GCC2: variants seen among roughly 807,000 people sequenced by gnomAD.
GCC2 encodes the protein GRIP and coiled-coil domain-containing protein 2.
A neutral mutation model predicts 210.6 loss-of-function variants in GCC2; 120 were observed. The ratio of observed to expected loss-of-function variants is 0.57; its 90% CI spans 0.49 to 0.66. The LOEUF is 0.66. Among genes scored for constraint, GCC2 ranks in the 30% least tolerant of loss-of-function variants. The probability of loss-of-function intolerance (pLI) is 0.00; values close to 1 mark genes in which losing one functional copy is unlikely to be tolerated. For synonymous variants in GCC2, 703 were observed against 652.7 expected (o/e 1.08, Z -1.17); for missense variants, 1,868 against 1,871.9 (o/e 1.00, Z 0.04).
At chr2:108,457,908 C>T (rs4450567) in intron 4 of GCC2, among the ~76,000 whole-genome samples, 56,920 of 151,964 alleles carry the variant, frequency 0.37, 12,357 homozygotes, top group East Asian at 0.89. Flanking sequence ...GTTTGGATGT[C>T]GTTTATTTCT....
intron 9 of GCC2, among the ~76,000 whole-genome samples, chr2:108,479,566 A>G (rs543346122): frequency 5.9e-5 from 9 of 151,988 alleles, no homozygotes; most frequent in African/African-American, 2.2e-4. Context: ...GCTTGAACCC[A>G]GGAGACAGAG....
rs750341029 is a variant in GCC2 at position 108,471,608 on chromosome 2, A to G, written c.2279A>G (p.Tyr760Cys). The G allele has an allele frequency of 7.4e-6, 12 of 1,613,524 alleles. No homozygotes were observed. In the African/African-American group the frequency reaches 9.3e-5, roughly 13 times the overall value. Reference sequence around the variant, plus strand: ...AAGTTATTTGTTAAAACTCAGTTGTATGGTTTTCTTAAAGAAATGGGATCA... The same window carrying G: ...AAGTTATTTGTTAAAACTCAGTTGTGTGGTTTTCTTAAAGAAATGGGATCA... ...VQKLFVKTQLYGFLKEMGSEV... is the reference protein window; with the variant it reads ...VQKLFVKTQLCGFLKEMGSEV... The change falls in exon 6 of 23, where the codon TAT (tyrosine) becomes TGT (cysteine). Residue 760 changes from tyrosine to cysteine, a missense_variant. Tyr to Cys is a radical substitution (Grantham distance 194). Around this residue, in one of 3 missense-constraint regions of GCC2, gnomAD observed 1,847 missense variants for 1,765.2 expected, o/e 1.05. Coordinates refer to ENST00000309863, the MANE Select transcript of GCC2 (RefSeq NM_181453.4).
rs575289171 is a variant in GCC2 at position 108,449,599 on chromosome 2, T to G, written c.7-34T>G. 1.2e-5 allele frequency: 19 copies of G among 1,601,778 alleles called. No homozygotes were observed. In the African/African-American group the frequency reaches 2.1e-4, roughly 18 times the overall value. On this transcript the variant is annotated intron_variant, in intron 1 of 22. Coordinates refer to ENST00000309863, the MANE Select transcript of GCC2 (RefSeq NM_181453.4). ...TTCCGTGTGGAATTAGGAAAAGAGT[T>G]CTTCTGACACCTGGGTTTGATTTTG...
At chr2:108,478,123 A>C (rs1264240369) in intron 9 of GCC2, among the ~76,000 whole-genome samples, 1 of 152,216 alleles carries the variant, frequency 6.6e-6, no homozygotes, top group East Asian at 1.9e-4. Flanking sequence ...GTCTCTTAAA[A>C]TGTAAAGAAG....
At chr2:108,461,676 G>C (rs990394163) in intron 4 of GCC2, among the ~76,000 whole-genome samples, 6 of 150,594 alleles carry the variant, frequency 4.0e-5, no homozygotes, top group African/African-American at 1.5e-4. Context: ...CTAATTTTTT[G>C]TATTTTTAGT....
intron 18 of GCC2, among the ~76,000 whole-genome samples, chr2:108,492,307 C>T (rs1224630497): frequency 6.6e-6 from 1 of 152,020 alleles, no homozygotes; most frequent in Non-Finnish European, 1.5e-5. Context: ...GAAAGAAGTT[C>T]CTAGTCTGGA....
chr2:108,486,843 T>A (rs1202606526), intron 16 of GCC2, among the ~76,000 whole-genome samples, 195 bp downstream of exon 16: 2 of 152,266 alleles, frequency 1.3e-5, no homozygotes, highest in Non-Finnish European at 2.9e-5. Context: ...TCACTTTTTT[T>A]GCCAAAAGGA....
chr2:108,480,271 A>G (rs1282487175), intron 9 of GCC2, among the ~76,000 whole-genome samples: 1 of 152,234 alleles, frequency 6.6e-6, no homozygotes, highest in African/African-American at 2.4e-5. Flanking sequence ...AGGTGCTGGT[A>G]AGGTTGCAGA....
intron 7 of GCC2, chr2:108,474,712 CTT>C (rs1003618177): frequency 6.6e-6 from 1 of 152,138 alleles, no homozygotes; most frequent in African/African-American, 2.4e-5. Context: ...CCCCTACCCT[CTT>C]TAACTGCTTT....
chr2:108,498,298 C>T (rs1431330721), intron 21 of GCC2, among the ~76,000 whole-genome samples: 3 of 140,476 alleles, frequency 2.1e-5, no homozygotes, highest in Non-Finnish European at 3.0e-5. Context: ...CAGGTTCAAG[C>T]GATTCCCCTG....
intron 9 of GCC2, among the ~76,000 whole-genome samples, chr2:108,479,622 CAG>C (rs1209913293): frequency 2.0e-5 from 3 of 151,410 alleles, no homozygotes; most frequent in Admixed American, 1.3e-4. Flanking sequence ...GCCTGGGCGA[CAG>C]AGCAAGACCC....
rs930649631 is a variant in GCC2, at chr2:108,470,713, C to G, written c.1384C>G (p.Leu462Val). ...KLTLMFEIQG[L>V]KEQCENLQQE... ...AACATTAATGTTTGAAATACAGGGT[C>G]TTAAGGAACAGTGTGAAAACCTACA... The change falls in exon 6 of 23, where the codon CTT (leucine) becomes GTT (valine). Residue 462 changes from leucine to valine, a missense_variant. By Grantham distance (32) the Leu-to-Val change is conservative. Around this residue, in one of 3 missense-constraint regions of GCC2, gnomAD observed 1,847 missense variants for 1,765.2 expected, o/e 1.05. Coordinates refer to ENST00000309863, the MANE Select transcript of GCC2 (RefSeq NM_181453.4). The G allele has an allele frequency of 4.3e-6, 7 of 1,612,260 alleles. No individual in the cohort carries two copies. The South Asian group carries it at 6.6e-5, about 15-fold the overall frequency.
intron 2 of GCC2, 90 bp from the exon 3 acceptor site, chr2:108,450,938 G>GT (rs1175447224): frequency 3.8e-6 from 3 of 798,484 alleles, no homozygotes; most frequent in Non-Finnish European, 6.3e-6. Context: ...TCTGTAGAAT[G>GT]TTTTTGTTTT....
rs1306999754 is a variant in GCC2 at position 108,470,107 on chromosome 2, G to A, written c.778G>A (p.Glu260Lys). The A allele has an allele frequency of 6.2e-7, 1 of 1,613,750 alleles. No individual in the cohort carries two copies. The highest frequency in any genetic ancestry group is 1.1e-5 in the South Asian group (1 of 91,064). The change falls in exon 6 of 23, where the codon GAA becomes AAA. Residue 260 changes from glutamate to lysine, a missense_variant. Glu to Lys is a moderately conservative substitution (Grantham distance 56). Transcript: ENST00000309863. ...EEVKELMCQI[E>K]ASAKEHEAEI... is the part of the protein sequence containing the mutation. ...GGTGAAAGAGTTGATGTGCCAGATTGAAGCATCAGCTAAGGAACATGAAGC... is the reference window on the plus strand; with the variant it reads ...GGTGAAAGAGTTGATGTGCCAGATTAAAGCATCAGCTAAGGAACATGAAGC...
rs766874131 is a variant in GCC2, at chr2:108,481,688, T to C, written c.3061-9T>C. On this transcript the variant is annotated splice_polypyrimidine_tract_variant and intron_variant, in intron 9 of 22. Transcript: ENST00000309863. The stretch of plus-strand genomic sequence containing the variant: ...TATATACCAAAGTTAAATCCTTCTT[T>C]TATTGAAGAATCTTTTATTAGAATA... 1 of 1,575,860 alleles carries C rather than the reference T, an allele frequency of 6.3e-7. No homozygotes were observed. The highest frequency in any genetic ancestry group is 8.6e-7 in the Non-Finnish European group (1 of 1,164,880).
At position 108,492,553 on chromosome 2, in the gene GCC2, CTAAG is replaced by C. The variant is rs1682455087; in HGVS notation, c.4230-18_4230-15del. On this transcript the variant is annotated splice_polypyrimidine_tract_variant and intron_variant, in intron 18 of 22. Coordinates refer to ENST00000309863, the MANE Select transcript of GCC2 (RefSeq NM_181453.4). ...TATAAAGTTGAAAGATCTTCTGTAACTAAGTTTCTCATCTTTCAGATTGTGTTCA... is the reference window on the plus strand; with the variant it reads ...TATAAAGTTGAAAGATCTTCTGTAACTTTCTCATCTTTCAGATTGTGTTCA... The C allele has an allele frequency of 2.0e-6, 3 of 1,516,080 alleles. No individual in the cohort carries two copies. The highest frequency in any genetic ancestry group is 2.7e-6 in the Non-Finnish European group (3 of 1,091,386). 93.9% of individuals were successfully genotyped at this position (1,516,080 alleles called of 1,614,324 possible). A position where few individuals can be genotyped will look rare whatever the true frequency, so the allele number is the denominator to read the frequency against.
In GCC2 at chr2:108,483,174, A is replaced by C. The variant is rs771166748; in HGVS notation, c.3450+8A>C. 7 of 1,247,676 alleles carry C rather than the reference A, an allele frequency of 5.6e-6. No individual in the cohort carries two copies. In the East Asian group the frequency reaches 1.6e-4, roughly 29 times the overall value. The allele number at this position is 1,247,676 out of a possible 1,614,324, so 77.3% of individuals were successfully genotyped here. ...TTAGAGCTGGTTAAAAAGGTAAAATAAAACACTAGGATCAAAATTGATGTA... is the reference window on the plus strand; with the variant it reads ...TTAGAGCTGGTTAAAAAGGTAAAATCAAACACTAGGATCAAAATTGATGTA... On this transcript the variant is annotated splice_region_variant and intron_variant, in intron 12 of 22. Transcript: ENST00000309863.
chr2:108,486,429 C>T (rs773611153), intron 15 of GCC2, 82 bp from the exon 16 acceptor site: 1 of 1,365,358 alleles, frequency 7.3e-7, no homozygotes, highest in Non-Finnish European at 1.0e-6. Context: ...TGTCTCAAAC[C>T]TAAAGTTTGT....
chr2:108,485,328 A>C (rs907268080), intron 13 of GCC2, among the ~76,000 whole-genome samples: 1 of 152,020 alleles, frequency 6.6e-6, no homozygotes, highest in Non-Finnish European at 1.5e-5. Context: ...TAATTAAAAA[A>C]AAAAAAGAAA....
Sources: gnomAD v4.1 joint callset for allele counts (sites outside exome capture counted in the v4.1 genomes callset) on GRCh38, gnomAD v4.1.1 for gene constraint, gnomAD v4.1.1 regional missense constraint, MANE v1.5 for transcripts, NCBI Gene and HGNC (gene_info 2026-07-23, HGNC 2026-07-21) for gene names.